FGF13: variants seen among roughly 807,000 people sequenced by gnomAD.
FGF13 encodes fibroblast growth factor 13.
Under a neutral mutation model 19.5 loss-of-function variants are expected in FGF13, and 2 were observed. The observed-to-expected ratio is 0.10, with a 90% CI of 0.04 to 0.32. The LOEUF (loss-of-function observed/expected upper bound fraction) is 0.32. Ranked by LOEUF, FGF13 falls within the 10% of genes least tolerant of loss-of-function variation. The probability of loss-of-function intolerance (pLI) is 1.00; values close to 1 mark genes in which losing one functional copy is unlikely to be tolerated. For missense variants in FGF13, 113 were observed against 192.7 expected (o/e 0.59, Z 2.45); for synonymous variants, 72 against 76.9 (o/e 0.94, Z 0.33).
intron 1 of FGF13, among the ~76,000 whole-genome samples, chrX:139,007,405 G>T (rs1444062258): frequency 2.7e-5 from 3 of 110,765 alleles, no homozygotes; most frequent in Non-Finnish European, 3.8e-5. Context: ...TAGCTGGGAG[G>T]CTTCAATGCC....
At chrX:138,981,318 TACACACAC>T (rs57954256) in intron 1 of FGF13, among the ~76,000 whole-genome samples, 4,584 of 96,919 alleles carry the variant, frequency 0.047, 209 homozygotes, top group African/African-American at 0.14. Flanking sequence ...ATTGTGTGCT[TACACACAC>T]ACACACACAC....
intron 1 of FGF13, among the ~76,000 whole-genome samples, chrX:139,032,804 A>G (rs985491478): frequency 9.1e-6 from 1 of 109,638 alleles, no homozygotes; most frequent in African/African-American, 3.3e-5. Flanking sequence ...AGATGGATGG[A>G]TATTTCTTTA....
chrX:138,869,053 C>A (rs2091344367), intron 1 of FGF13, among the ~76,000 whole-genome samples: 1 of 111,503 alleles, frequency 9.0e-6, no homozygotes, highest in African/African-American at 3.3e-5. Context: ...CATAACCACC[C>A]CCCAAAAGTA....
chrX:138,984,492 A>G (rs1461224889), intron 1 of FGF13, among the ~76,000 whole-genome samples: 2 of 19,629 alleles, frequency 1.0e-4, no homozygotes, highest in Non-Finnish European at 2.3e-4. Context: ...GAAGAAGGAG[A>G]AGGAGAAGGA....
intron 3 of FGF13, among the ~76,000 whole-genome samples, chrX:138,670,279 T>G (rs2089597993): frequency 8.9e-6 from 1 of 111,996 alleles, no homozygotes; most frequent in South Asian, 3.7e-4. Flanking sequence ...GGGAAGAAAC[T>G]TGATTTTGTT....
intron 3 of FGF13, among the ~76,000 whole-genome samples, chrX:138,678,239 G>A (rs1204515003): frequency 1.8e-5 from 2 of 110,273 alleles, no homozygotes; most frequent in African/African-American, 6.6e-5. Context: ...AGTGGGGAGG[G>A]ATAGCACTGG....
chrX:138,729,199 G>A (rs1351292546), intron 1 of FGF13, among the ~76,000 whole-genome samples: 1 of 111,141 alleles, frequency 9.0e-6, no homozygotes, highest in Non-Finnish European at 1.9e-5. Flanking sequence ...TCTCAGAGAT[G>A]GCCCAGATTA....
chrX:138,908,140 G>A (rs1348727763), intron 1 of FGF13, among the ~76,000 whole-genome samples: 2 of 53,345 alleles, frequency 3.7e-5, no homozygotes, highest in African/African-American at 5.7e-5. Context: ...GCGCTATCTC[G>A]GCTCACTGCA....
chrX:138,881,161 T>C (rs752715152), intron 1 of FGF13, among the ~76,000 whole-genome samples: 17 of 111,940 alleles, frequency 1.5e-4, no homozygotes, highest in Non-Finnish European at 2.6e-4. Context: ...AATTTATTCC[T>C]AGGTACGTTA....
chrX:138,809,230 C>A (rs1340079599), intron 3 of FGF13, among the ~76,000 whole-genome samples: 2 of 111,746 alleles, frequency 1.8e-5, no homozygotes, highest in Non-Finnish European at 3.8e-5. Context: ...AGCAGTATAT[C>A]AAAAAGCTTA....
chrX:138,914,324 C>A (rs1321119080), intron 1 of FGF13, among the ~76,000 whole-genome samples: 2 of 109,561 alleles, frequency 1.8e-5, no homozygotes, highest in African/African-American at 6.7e-5. Flanking sequence ...GGCCCCATCC[C>A]ATTTTCATGA....
At chrX:139,074,355 G>T (rs1248792005) in intron 1 of FGF13, among the ~76,000 whole-genome samples, 2 of 112,011 alleles carry the variant, frequency 1.8e-5, no homozygotes, top group Admixed American at 9.5e-5. Context: ...TATAAGGGAG[G>T]TTATGCGCAG....
intron 1 of FGF13, among the ~76,000 whole-genome samples, chrX:139,102,221 G>A (rs1364747544): frequency 8.9e-6 from 1 of 111,897 alleles, no homozygotes; most frequent in Non-Finnish European, 1.9e-5. Context: ...CTTGGAGACA[G>A]AAGTTTTAAT....
intron 1 of FGF13, among the ~76,000 whole-genome samples, chrX:139,006,059 T>C (rs1181324103): frequency 9.0e-6 from 1 of 111,334 alleles, no homozygotes; most frequent in Non-Finnish European, 1.9e-5. Flanking sequence ...TAGAGATAGA[T>C]GTCAATATCC....
At chrX:138,935,752 T>C (rs939897911) in intron 1 of FGF13, among the ~76,000 whole-genome samples, 14 of 111,828 alleles carry the variant, frequency 1.3e-4, no homozygotes, top group Non-Finnish European at 2.6e-4. Context: ...AAGTCCCTCA[T>C]GCTATACTTT....
At chrX:139,130,720 A>G (rs2083754037) in intron 1 of FGF13, among the ~76,000 whole-genome samples, 1 of 111,859 alleles carries the variant, frequency 8.9e-6, no homozygotes, top group South Asian at 3.7e-4. Flanking sequence ...TGTCATCTGT[A>G]ATTTTTTCTA....
At chrX:138,937,971 T>G (rs886407996) in intron 1 of FGF13, among the ~76,000 whole-genome samples, 2 of 111,215 alleles carry the variant, frequency 1.8e-5, no homozygotes, top group African/African-American at 6.5e-5. Flanking sequence ...GAGGCAAATC[T>G]TAAGGAAACT....
rs187401149 is a variant in FGF13, at chrX:138,844,678, T to C, written c.217+12834A>G. Among the ~76,000 whole-genome samples, 232 of 111,758 alleles carry C rather than the reference T, an allele frequency of 2.1e-3. 2 individuals carry two copies. Among genetic ancestry groups the C allele is most frequent in the African/African-American group, 7.4e-3 (228 of 30,802 alleles). The stretch of plus-strand genomic sequence containing the variant: ...TTGGCTTCCTTAGACCTCATTCTTT[T>C]GGTTTTCCTTCTTTTTCTTCTGGAG... On this transcript the variant is annotated intron_variant, in intron 3 of 6. Coordinates refer to the FGF13 transcript ENST00000436198.
chrX:139,166,238 C>T lies in FGF13; in HGVS notation c.-113+37178G>A, dbSNP rs1270960101. On this transcript the variant is annotated intron_variant, in intron 1 of 2. Coordinates refer to the FGF13 transcript ENST00000421460. ...TAATTGAATCATGGGGGCAGTTACC[C>T]CTATGCTATTCTCGTGATAGTAAGT... 2.7e-5 allele frequency among the ~76,000 whole-genome samples: 3 copies of T among 111,474 alleles called. No homozygotes were observed. The Admixed American group carries it at 2.8e-4, about 11-fold the overall frequency.
Sources: gnomAD v4.1 joint callset for allele counts (sites outside exome capture counted in the v4.1 genomes callset) on GRCh38, gnomAD v4.1.1 for gene constraint, MANE v1.5 for transcripts, NCBI Gene and HGNC (gene_info 2026-07-23, HGNC 2026-07-21) for gene names.